TRAF3IP3: variants seen among roughly 807,000 people sequenced by gnomAD.
The protein encoded by TRAF3IP3 is TRAF3 interacting protein 3.
A neutral mutation model predicts 86.5 loss-of-function variants in TRAF3IP3; 64 were observed. The observed-to-expected ratio is 0.74, with a 90% CI of 0.60 to 0.91. The LOEUF (loss-of-function observed/expected upper bound fraction) is 0.91. Among genes scored for constraint, TRAF3IP3 ranks in the 40% least tolerant of loss-of-function variants. TRAF3IP3 has a pLI of 0.00. For missense variants in TRAF3IP3, 579 were observed against 642.9 expected (o/e 0.90, Z 1.07); for synonymous variants, 220 against 243.9 (o/e 0.90, Z 0.91).
intron 8 of TRAF3IP3, among the ~76,000 whole-genome samples, chr1:209,767,392 C>T (rs1257840085): frequency 6.6e-6 from 1 of 152,122 alleles, no homozygotes; most frequent in Non-Finnish European, 1.5e-5. Context: ...AGATCTGTGT[C>T]TTAAAAAGTT....
intron 8 of TRAF3IP3, among the ~76,000 whole-genome samples, chr1:209,764,225 A>G (rs1259108534): frequency 6.6e-6 from 1 of 152,248 alleles, no homozygotes; most frequent in Non-Finnish European, 1.5e-5. Flanking sequence ...GAGATTATTT[A>G]GATAGGGTTC....
intron 1 of TRAF3IP3, among the ~76,000 whole-genome samples, chr1:209,757,240 G>C (rs11119336): frequency 0.2 from 31,118 of 152,182 alleles, 3,276 homozygotes; most frequent in Non-Finnish European, 0.21. Flanking sequence ...AGGAAGCAGA[G>C]AGCAGAGCAG....
chr1:209,762,627 A>G lies in TRAF3IP3; in HGVS notation c.458A>G (p.Asp153Gly). 1.3e-6 allele frequency: 2 copies of G among 1,533,074 alleles called. No individual in the cohort carries two copies. The highest frequency in any genetic ancestry group is 4.5e-5 in the East Asian group (2 of 43,972). 95.0% of individuals were successfully genotyped at this position (1,533,074 alleles called of 1,614,324 possible). A position where few individuals can be genotyped will look rare whatever the true frequency, so the allele number is the denominator to read the frequency against. Reference sequence around the variant, plus strand: ...CAGGCTGGGGGCCTTCCTCCACAGGACACTCCCATCAAGAAGCCACCCAAA... The same window carrying G: ...CAGGCTGGGGGCCTTCCTCCACAGGGCACTCCCATCAAGAAGCCACCCAAA... ...SSQAGGLPPQ[D>G]TPIKKPPKHH... is the part of the protein sequence containing the mutation. The change falls in exon 4 of 17, where the codon GAC becomes GGC. Residue 153 changes from aspartate to glycine, a missense_variant. Transcript: ENST00000367025.
chr1:209,775,672 G>GGAC lies in TRAF3IP3; in HGVS notation c.990_992dup (p.Thr331dup), dbSNP rs2077638914. 5 of 1,614,124 alleles carry GGAC rather than the reference G, an allele frequency of 3.1e-6. No individual in the cohort carries two copies. The East Asian group carries it at 1.1e-4, about 36-fold the overall frequency. ...TATGAGGCTCTGAAGGAGGACTGGA[G>GGAC]GACCCTTGGGACCCAGCACAGGGAG... is the stretch of plus-strand genomic sequence containing the variant. On this transcript the variant is annotated inframe_insertion, in exon 11 of 17. Transcript: ENST00000367025.
chr1:209,760,377 G>A lies in TRAF3IP3; in HGVS notation c.338G>A (p.Arg113Lys). 3 of 1,591,604 alleles carry A rather than the reference G, an allele frequency of 1.9e-6. No homozygotes were observed. The South Asian group carries it at 3.4e-5, about 18-fold the overall frequency. The part of the protein sequence containing the change: ...LSCARRISSP[R>K]EQVTGTSSEV... The stretch of plus-strand genomic sequence containing the variant: ...TGTGCCAGAAGGATTTCTTCTCCCA[G>A]AGAGCAGGTGGGCCGTGTCAAGGGA... The change falls in exon 3 of 17, where the codon AGA becomes AAA. Residue 113 changes from arginine (R) to lysine (K), a missense_variant. Transcript: ENST00000367025.
intron 1 of TRAF3IP3, among the ~76,000 whole-genome samples, chr1:209,757,805 AG>A (rs901902966): frequency 6.6e-6 from 1 of 152,244 alleles, no homozygotes; most frequent in African/African-American, 2.4e-5. Flanking sequence ...TATTATTAAA[AG>A]GTAACATTTA....
chr1:209,775,782 A>G (rs1558027840), intron 11 of TRAF3IP3, 46 bp downstream of exon 11: 1 of 1,542,788 alleles, frequency 6.5e-7, no homozygotes. Context: ...TATGGGGAGG[A>G]GGGATGGTGA....
At chr1:209,759,685 C>T (rs2077211177) in intron 2 of TRAF3IP3, among the ~76,000 whole-genome samples, 1 of 152,198 alleles carries the variant, frequency 6.6e-6, no homozygotes, top group South Asian at 2.1e-4. Context: ...TCCCCTGACT[C>T]AGAGGCATGG....
intron 16 of TRAF3IP3, chr1:209,781,703 A>G: frequency 2.0e-6 from 1 of 494,204 alleles, no homozygotes. Context: ...AAAGTATGAA[A>G]GGGTGTTCTT....
intron 16 of TRAF3IP3, chr1:209,781,825 A>C (rs1251940869): frequency 1.8e-6 from 1 of 550,156 alleles, no homozygotes; most frequent in African/African-American, 1.9e-5. Flanking sequence ...TATTCATATC[A>C]GTATTTATAT....
chr1:209,758,613 G>C (rs906790087), intron 1 of TRAF3IP3: 4 of 152,244 alleles, frequency 2.6e-5, no homozygotes, highest in Non-Finnish European at 4.4e-5. Flanking sequence ...GCTAGCAAAT[G>C]CCTGCTAGTT....
At chr1:209,773,118 A>G in intron 9 of TRAF3IP3, 99 bp downstream of exon 9, 1 of 1,037,816 alleles carries the variant, frequency 9.6e-7, no homozygotes, top group South Asian at 1.5e-5. Context: ...ACCACCAGAT[A>G]GAGAATAACA....
At chr1:209,778,296 T>C in intron 13 of TRAF3IP3, 123 bp downstream of exon 13, 1 of 675,074 alleles carries the variant, frequency 1.5e-6, no homozygotes. Flanking sequence ...CTGTGCACTT[T>C]CAGACCCTCT....
intron 8 of TRAF3IP3, among the ~76,000 whole-genome samples, chr1:209,767,361 G>C (rs2077376170): frequency 6.6e-6 from 1 of 152,142 alleles, no homozygotes; most frequent in South Asian, 2.1e-4. Flanking sequence ...TACTATCTGA[G>C]GAAATGACTT....
At position 209,780,609 on chromosome 1, in the gene TRAF3IP3, G is replaced by T; in HGVS notation, c.1449+3G>T. 6.3e-7 allele frequency: 1 copy of T among 1,582,712 alleles called. No homozygotes were observed. Among genetic ancestry groups the T allele is most frequent in the South Asian group, 1.1e-5 (1 of 87,660 alleles). ...AGCTCCAGGCCAAGGAAAAGGAGGT[G>T]AGAGGGTGACCTGAGATAGTGAGGG... On this transcript the variant is annotated splice_donor_region_variant and intron_variant, in intron 15 of 16. Coordinates refer to ENST00000367025, the MANE Select transcript of TRAF3IP3 (RefSeq NM_025228.4).
chr1:209,775,360 T>C lies in TRAF3IP3; in HGVS notation c.786T>C (p.Pro262=), dbSNP rs779469929. The change falls in exon 10 of 17, where the codon CCT becomes CCC. Residue 262 remains proline, a synonymous_variant. Transcript: ENST00000367025. Reference sequence around the variant, plus strand: ...CATCAAATTTACAGAAATACTCCCCTTGGGGAATGAAAAAAGTACTACTGG... The same window carrying C: ...CATCAAATTTACAGAAATACTCCCCCTGGGGAATGAAAAAAGTACTACTGG... The part of the protein sequence containing the change: ...QLYTCTQKYS[P]WGMKKVLLEM... 3 of 1,612,556 alleles carry C rather than the reference T, an allele frequency of 1.9e-6. No homozygotes were observed. Among genetic ancestry groups the C allele is most frequent in the Non-Finnish European group, 2.5e-6 (3 of 1,179,194 alleles).
chr1:209,777,207 C>T (rs555785784), intron 11 of TRAF3IP3, 145 bp from the exon 12 acceptor site: 2 of 609,410 alleles, frequency 3.3e-6, no homozygotes, highest in South Asian at 3.8e-5. Context: ...AAAAGAAAGA[C>T]TTCTCTATTT....
Position 209,770,402 on chromosome 1 carries a change from GGTGGAGGTGTGTGTGTGCAT to G in TRAF3IP3, c.703-2526_703-2507del, listed in dbSNP as rs1264868941. 1.5e-3 allele frequency among the ~76,000 whole-genome samples: 222 copies of G among 148,704 alleles called. 3 individuals are homozygous for G. Among genetic ancestry groups the G allele is most frequent in the African/African-American group, 5.1e-3 (206 of 40,150 alleles). On this transcript the variant is annotated intron_variant, in intron 8 of 16. Transcript: ENST00000367025. ...GTGCATGTGGAGGTGTGTGTGTGCA[GGTGGAGGTGTGTGTGTGCAT>G]GTGGAGGTGTGTGTGTGCAGGTGGA...
At position 209,762,661 on chromosome 1, in the gene TRAF3IP3, T is replaced by G; in HGVS notation, c.492T>G (p.Arg164=). 7.5e-7 allele frequency: 1 copy of G among 1,339,176 alleles called. No individual in the cohort carries two copies. The highest frequency in any genetic ancestry group is 9.5e-7 in the Non-Finnish European group (1 of 1,049,316). The allele number at this position is 1,339,176 out of a possible 1,614,324, so 83.0% of individuals were successfully genotyped here. A position where few individuals can be genotyped will look rare whatever the true frequency, so the allele number is the denominator to read the frequency against. ...TCAAGAAGCCACCCAAACACCACCG[T>G]GGTAAGAGCAGAGCCTCCCTCACTC... ...TPIKKPPKHH[R]GTQTKAEGPT... Residue 164 remains arginine (R), a splice_region_variant and synonymous_variant, in exon 4 of 17, where the codon CGT becomes CGG. Transcript: ENST00000367025.
Sources: allele counts gnomAD v4.1 joint callset (sites outside exome capture counted in the v4.1 genomes callset), GRCh38; gene constraint gnomAD v4.1.1; transcripts MANE v1.5; gene names NCBI Gene and HGNC (gene_info 2026-07-23, HGNC 2026-07-21).